Variants in NRF1 observed in about 807,000 individuals in gnomAD.
NRF1 encodes the protein alpha palindromic-binding protein.
A neutral mutation model predicts 58.5 loss-of-function variants in NRF1; 5 were observed. The ratio of observed to expected loss-of-function variants is 0.09; its 90% CI spans 0.04 to 0.18. The LOEUF (loss-of-function observed/expected upper bound fraction) is 0.18, where lower values mean the gene tolerates loss of function less well. Ranked by LOEUF, NRF1 falls within the 10% of genes least tolerant of loss-of-function variation. The pLI is 1.00. For missense variants in NRF1, 288 were observed against 657.7 expected (o/e 0.44, Z 6.15); for synonymous variants, 224 against 246.7 (o/e 0.91, Z 0.86).
intron 1 of NRF1, among the ~76,000 whole-genome samples, chr7:129,635,655 G>A (rs986613118): frequency 1.3e-5 from 2 of 152,106 alleles, no homozygotes; most frequent in Non-Finnish European, 2.9e-5. Context: ...CTCCTGGGGT[G>A]GAATCTTTTT....
intron 3 of NRF1, among the ~76,000 whole-genome samples, chr7:129,675,148 A>G (rs1054667385): frequency 6.6e-6 from 1 of 152,312 alleles, no homozygotes; most frequent in Non-Finnish European, 1.5e-5. Context: ...TTTGCTCATC[A>G]ATAAGAAGCA....
intron 3 of NRF1, among the ~76,000 whole-genome samples, chr7:129,672,062 G>T (rs185663665): frequency 2.6e-5 from 4 of 152,230 alleles, no homozygotes; most frequent in African/African-American, 9.6e-5. Context: ...TGTTGATGCT[G>T]GGGGGAAGAA....
At chr7:129,719,497 AACACACACACACACACACACACACAC>A (rs67443980) in intron 9 of NRF1, among the ~76,000 whole-genome samples, 1 of 141,896 alleles carries the variant, frequency 7.0e-6, no homozygotes, top group Non-Finnish European at 1.5e-5. Context: ...AGGAAACTGA[AACACACACACACACACACACACACAC>A]ACACACACAC....
At chr7:129,702,969 A>G (rs1802867805) in intron 5 of NRF1, among the ~76,000 whole-genome samples, 1 of 152,204 alleles carries the variant, frequency 6.6e-6, no homozygotes, top group Non-Finnish European at 1.5e-5. Context: ...TGTAAGGATA[A>G]TGCATTGTTG....
At chr7:129,619,569 A>G (rs1365542401) in intron 1 of NRF1, among the ~76,000 whole-genome samples, 2 of 145,506 alleles carry the variant, frequency 1.4e-5, no homozygotes, top group East Asian at 4.1e-4. Context: ...CTAGAGCATT[A>G]CTAAATTCAG....
intron 1 of NRF1, among the ~76,000 whole-genome samples, chr7:129,642,860 A>G (rs977504461): frequency 3.3e-5 from 5 of 149,914 alleles, no homozygotes; most frequent in Non-Finnish European, 5.9e-5. Context: ...TCCTGGGCTC[A>G]CTCCATCCTC....
chr7:129,746,420 C>G (rs553978682), intron 10 of NRF1, among the ~76,000 whole-genome samples: 1 of 152,176 alleles, frequency 6.6e-6, no homozygotes, highest in Non-Finnish European at 1.5e-5. Context: ...GCCTGCTAGA[C>G]TAGCTTCTTT....
At chr7:129,700,599 G>A (rs1459591901) in intron 5 of NRF1, among the ~76,000 whole-genome samples, 1 of 152,164 alleles carries the variant, frequency 6.6e-6, no homozygotes, top group Non-Finnish European at 1.5e-5. Context: ...GTCTTTCCAT[G>A]TTTAGTAGGC....
chr7:129,719,531 C>CACACACACACACACAT (rs1803269717), intron 9 of NRF1, among the ~76,000 whole-genome samples: 1 of 101,400 alleles, frequency 9.9e-6, no homozygotes, highest in Non-Finnish European at 2.0e-5. Flanking sequence ...CACACACACA[C>CACACACACACACACAT]ACACACACAC....
At chr7:129,686,288 G>C (rs756472785) in intron 4 of NRF1, among the ~76,000 whole-genome samples, 25 of 152,090 alleles carry the variant, frequency 1.6e-4, no homozygotes, top group African/African-American at 2.2e-4. Context: ...CCAGGGTTAG[G>C]CAGGCACAAC....
Position 129,690,507 on chromosome 7 carries a change from C to T in NRF1, c.567C>T (p.Thr189=). ...TTAACTCAGAACTGCCGCCTCTCAC[C>T]ATCGACGGAATTCCAGTCTCTGTGG... ...QEVNSELPPL[T]IDGIPVSVDK... Residue 189 remains threonine (T), a synonymous_variant, in exon 5 of 11, where the codon ACC becomes ACT. Transcript: ENST00000393232. 1.2e-6 allele frequency: 2 copies of T among 1,614,210 alleles called. No individual in the cohort carries two copies. The highest frequency in any genetic ancestry group is 1.7e-6 in the Non-Finnish European group (2 of 1,180,036).
intron 5 of NRF1, among the ~76,000 whole-genome samples, chr7:129,699,009 G>A (rs541905080): frequency 3.2e-4 from 49 of 152,174 alleles, no homozygotes; most frequent in African/African-American, 1.1e-3. Flanking sequence ...AGACCTGGGC[G>A]GTATTATTGA....
chr7:129,735,386 C>T (rs932648878), intron 10 of NRF1: 12 of 269,182 alleles, frequency 4.5e-5, no homozygotes, highest in Non-Finnish European at 5.7e-5. Context: ...AAAATTTAGC[C>T]GGGCGTGGTG....
chr7:129,734,263 T>G (rs939971703), intron 10 of NRF1, among the ~76,000 whole-genome samples: 1 of 152,190 alleles, frequency 6.6e-6, no homozygotes, highest in Non-Finnish European at 1.5e-5. Context: ...TTAAACTGAT[T>G]TAACACATAG....
intron 10 of NRF1, among the ~76,000 whole-genome samples, chr7:129,728,468 CAAAAAAAAAAAA>C (rs60777041): frequency 2.1e-5 from 2 of 96,430 alleles, no homozygotes; most frequent in African/African-American, 3.9e-5. Context: ...GACTCCGTCT[CAAAAAAAAAAAA>C]AAAAAAAAAA....
chr7:129,614,037 A>G (rs138905861), intron 1 of NRF1, among the ~76,000 whole-genome samples: 1 of 152,344 alleles, frequency 6.6e-6, no homozygotes, highest in African/African-American at 2.4e-5. Flanking sequence ...CTTTTTGCTT[A>G]GTAGTCAGTG....
intron 3 of NRF1, among the ~76,000 whole-genome samples, chr7:129,675,683 G>A (rs946287533): frequency 9.9e-5 from 15 of 152,162 alleles, no homozygotes; most frequent in Admixed American, 2.6e-4. Flanking sequence ...TTTCTGAGCA[G>A]TGGGTCTCAA....
intron 4 of NRF1, among the ~76,000 whole-genome samples, chr7:129,681,358 G>A (rs1802304259): frequency 1.3e-5 from 2 of 152,184 alleles, no homozygotes; most frequent in Non-Finnish European, 2.9e-5. Context: ...ATTTGTGGGA[G>A]CCATAGGAAA....
At chr7:129,622,700 G>A (rs1474105255) in intron 1 of NRF1, among the ~76,000 whole-genome samples, 5 of 151,834 alleles carry the variant, frequency 3.3e-5, no homozygotes, top group Admixed American at 3.3e-4. Context: ...CTCCTGAGTA[G>A]CTGGGATTAC....
Sources: gnomAD v4.1 joint callset for allele counts (sites outside exome capture counted in the v4.1 genomes callset) on GRCh38, gnomAD v4.1.1 for gene constraint, MANE v1.5 for transcripts, NCBI Gene and HGNC (gene_info 2026-07-23, HGNC 2026-07-21) for gene names.